ZFP90: variants seen among roughly 807,000 people sequenced by gnomAD.
ZFP90 encodes zinc finger protein 90 homolog.
In ZFP90, 38 loss-of-function variants were observed where a neutral mutation model predicts 60.8. The ratio of observed to expected loss-of-function variants is 0.62; its 90% CI spans 0.48 to 0.82. The LOEUF (loss-of-function observed/expected upper bound fraction) is 0.82, where lower values mean the gene tolerates loss of function less well. Among genes scored for constraint, ZFP90 ranks in the 40% least tolerant of loss-of-function variants. ZFP90 has a pLI of 0.00. For missense variants in ZFP90, 711 were observed against 759.1 expected, an observed-to-expected ratio of 0.94 and a Z score of 0.74; for synonymous variants, 287 against 264.8, an observed-to-expected ratio of 1.08 and a Z score of -0.82.
chr16:68,563,076 C>T lies in ZFP90; in HGVS notation c.289C>T (p.His97Tyr), dbSNP rs1372201186. 11 of 1,613,992 alleles carry T rather than the reference C, an allele frequency of 6.8e-6. No homozygotes were observed. The highest frequency in any genetic ancestry group is 7.6e-6 in the Non-Finnish European group (9 of 1,180,028). Reference sequence around the variant, plus strand: ...GACCAGGCCTGAAGTCAAATCATCACATTTGCAGCAGGATGTATCAGAAGT... The same window carrying T: ...GACCAGGCCTGAAGTCAAATCATCATATTTGCAGCAGGATGTATCAGAAGT... ...WKTRPEVKSS[H>Y]LQQDVSEVSH... Residue 97 changes from histidine (H) to tyrosine (Y), a missense_variant, in exon 5 of 5, where the codon CAT (histidine) becomes TAT (tyrosine). Around this residue, in one of 5 missense-constraint regions of ZFP90, gnomAD observed 241 missense variants for 247.6 expected, o/e 0.97. Coordinates refer to ENST00000563169, the MANE Select transcript of ZFP90 (RefSeq NM_001305203.2).
At position 68,564,693 on chromosome 16, in the gene ZFP90, C is replaced by G. The variant is rs953098875; in HGVS notation, c.1906C>G (p.Leu636Val). Residue 636 changes from leucine to valine, a missense_variant, in exon 5 of 5, where the codon CTC becomes GTC. Physicochemically the swap from Leu to Val is conservative, Grantham distance 32. This residue lies in a region of ZFP90 where 295 missense variants were observed against 274.0 expected (regional missense o/e 1.08). Coordinates refer to ENST00000563169, the MANE Select transcript of ZFP90 (RefSeq NM_001305203.2). ...KHQRIHTRNKL is the reference protein window; with the variant it reads ...KHQRIHTRNKV ...CCAGAGAATTCATACTCGAAATAAA[C>G]TCTAGGAACCGTGAAATTAAGGAAT... 6.3e-7 allele frequency: 1 copy of G among 1,589,714 alleles called. No homozygotes were observed. The highest frequency in any genetic ancestry group is 1.4e-5 in the African/African-American group (1 of 73,434).
At position 68,539,575 on chromosome 16, in the gene ZFP90, G is replaced by C. The variant is rs529492322; in HGVS notation, c.-36+96G>C. The C allele has an allele frequency of 1.1e-4, 62 of 546,370 alleles. 1 individual carries two copies. In the South Asian group the frequency reaches 1.5e-3, roughly 14 times the overall value. The allele number at this position is 546,370 out of a possible 1,614,324, so 33.8% of individuals were successfully genotyped here. A position where few individuals can be genotyped will look rare whatever the true frequency, so the allele number is the denominator to read the frequency against. On this transcript the variant is annotated intron_variant, in intron 1 of 4. Coordinates refer to ENST00000563169, the MANE Select transcript of ZFP90 (RefSeq NM_001305203.2). ...AAGGGGACTGGGCGTGGCCGGAGGG[G>C]GGTGTCCGGGAGGCCGCTGAGCCTT...
At chr16:68,537,972 G>A (rs1303724974), upstream of ZFP90, among the ~76,000 whole-genome samples, 1 of 152,056 alleles carries the variant, frequency 6.6e-6, no homozygotes, top group Non-Finnish European at 1.5e-5. Context: ...GAGTGCAATG[G>A]TGCAATCTCG....
chr16:68,539,466 G>A lies in ZFP90; in HGVS notation c.-49G>A. 1 of 400,672 alleles carries A rather than the reference G, an allele frequency of 2.5e-6. No individual in the cohort carries two copies. The highest frequency in any genetic ancestry group is 4.4e-6 in the Non-Finnish European group (1 of 225,066). 24.8% of individuals were successfully genotyped at this position (400,672 alleles called of 1,614,324 possible). ...GTCGCGAAATCCGGAGCCCCCCAGAGGCGGTGATTCTGAGTGCGCGGGTCT... is the reference window on the plus strand; with the variant it reads ...GTCGCGAAATCCGGAGCCCCCCAGAAGCGGTGATTCTGAGTGCGCGGGTCT... On this transcript the variant is annotated 5_prime_UTR_variant, in exon 1 of 5. Coordinates refer to ENST00000563169, the MANE Select transcript of ZFP90 (RefSeq NM_001305203.2).
intron 2 of ZFP90, 73 bp downstream of exon 2, chr16:68,539,898 C>T (rs929488321): frequency 1.9e-6 from 3 of 1,548,012 alleles, no homozygotes; most frequent in Non-Finnish European, 2.6e-6. Context: ...GTGTTTGGAG[C>T]AGTCATTGTT....
Position 68,564,580 on chromosome 16 carries a change from A to G in ZFP90, c.1793A>G (p.Asp598Gly). 1 of 1,614,134 alleles carries G rather than the reference A, an allele frequency of 6.2e-7. No individual in the cohort carries two copies. The highest frequency in any genetic ancestry group is 8.5e-7 in the Non-Finnish European group (1 of 1,179,988). ...TTCCGAAAAAAAACCAACCTGCATG[A>G]TCATCAGAGAATTCATACTGGAGAA... ...RAFRKKTNLH[D>G]HQRIHTGEKP... Residue 598 changes from aspartate (D) to glycine (G), a missense_variant, in exon 5 of 5, where the codon GAT becomes GGT. Physicochemically the swap from Asp to Gly is moderately conservative, Grantham distance 94 (BLOSUM62 -1). Coordinates refer to ENST00000563169, the MANE Select transcript of ZFP90 (RefSeq NM_001305203.2).
rs2091526620 is a variant in ZFP90 at position 68,566,346 on chromosome 16, T to C, written c.*1648T>C. ...GAGCTGCCTCCCAAAGATAGATAAATTTTCCCAGCCCTAAATATGAATCAT... is the reference window on the plus strand; with the variant it reads ...GAGCTGCCTCCCAAAGATAGATAAACTTTCCCAGCCCTAAATATGAATCAT... On this transcript the variant is annotated 3_prime_UTR_variant, in exon 5 of 5. Coordinates refer to ENST00000563169, the MANE Select transcript of ZFP90 (RefSeq NM_001305203.2). 2.0e-6 allele frequency: 2 copies of C among 985,380 alleles called. No individual in the cohort carries two copies. Among genetic ancestry groups the C allele is most frequent in the Non-Finnish European group, 1.2e-6 (1 of 829,932 alleles). The allele number at this position is 985,380 out of a possible 1,614,324, so 61.0% of individuals were successfully genotyped here.
Position 68,547,207 on chromosome 16 carries a change from C to CT in ZFP90, c.33+7387dup, listed in dbSNP as rs1475552638. Among the ~76,000 whole-genome samples, 11 of 152,310 alleles carry CT rather than the reference C, an allele frequency of 7.2e-5. No homozygotes were observed. The South Asian group carries it at 2.1e-3, about 29-fold the overall frequency. The stretch of plus-strand genomic sequence containing the variant: ...CATACTGTTTCCATAGCAGCTGTAT[C>CT]TTTTTACATTCTTAACAGTGCACAA... On this transcript the variant is annotated intron_variant, in intron 2 of 4. Coordinates refer to ENST00000563169, the MANE Select transcript of ZFP90 (RefSeq NM_001305203.2).
At chr16:68,551,754 GT>G (rs2091265070) in intron 2 of ZFP90, among the ~76,000 whole-genome samples, 1 of 150,188 alleles carries the variant, frequency 6.7e-6, no homozygotes, top group African/African-American at 2.5e-5. Flanking sequence ...TTGCTTTTTG[GT>G]TTTTGTTTTT....
chr16:68,557,903 TCAC>T, intron 2 of ZFP90, 92 bp from the exon 3 acceptor site: 1 of 1,527,980 alleles, frequency 6.5e-7, no homozygotes, highest in Non-Finnish European at 9.0e-7. Context: ...AAATGTGTGA[TCAC>T]CACTTCTGAT....
In ZFP90 at chr16:68,566,513, A is replaced by G; in HGVS notation, c.*1815A>G. 7 of 985,538 alleles carry G rather than the reference A, an allele frequency of 7.1e-6. No individual in the cohort carries two copies. The highest frequency in any genetic ancestry group is 8.4e-6 in the Non-Finnish European group (7 of 829,930). The allele number at this position is 985,538 out of a possible 1,614,324, so 61.0% of individuals were successfully genotyped here. The stretch of plus-strand genomic sequence containing the variant: ...ATTCTTCATTCTTTGCAGGGAAAAA[A>G]TTGTGCATGGGGGCTGAAATGTAAT... On this transcript the variant is annotated 3_prime_UTR_variant, in exon 5 of 5. Coordinates refer to ENST00000563169, the MANE Select transcript of ZFP90 (RefSeq NM_001305203.2).
Position 68,565,174 on chromosome 16 carries a change from G to A in ZFP90, c.*476G>A, listed in dbSNP as rs2091506132. Reference sequence around the variant, plus strand: ...ACCATTCAAAGAATTAGATCAACTAGCCCAACCACTTCATTGTACAGATGA... The same window carrying A: ...ACCATTCAAAGAATTAGATCAACTAACCCAACCACTTCATTGTACAGATGA... On this transcript the variant is annotated 3_prime_UTR_variant, in exon 5 of 5. Transcript: ENST00000563169. 1.0e-6 allele frequency: 1 copy of A among 991,222 alleles called. No homozygotes were observed. Among genetic ancestry groups the A allele is most frequent in the Admixed American group, 5.8e-5 (1 of 17,250 alleles). 61.4% of individuals were successfully genotyped at this position (991,222 alleles called of 1,614,324 possible).
intron 2 of ZFP90, among the ~76,000 whole-genome samples, 185 bp downstream of exon 2, chr16:68,540,010 C>T (rs756638618): frequency 1.3e-5 from 2 of 152,188 alleles, no homozygotes. Context: ...GGAGGCTGCT[C>T]TGTGGGGTAG....
At chr16:68,559,266 A>G (rs1299962339) in intron 4 of ZFP90, among the ~76,000 whole-genome samples, 1 of 152,004 alleles carries the variant, frequency 6.6e-6, no homozygotes, top group African/African-American at 2.4e-5. Context: ...AGTCTTCCTT[A>G]TTTGTACCAT....
upstream of ZFP90, among the ~76,000 whole-genome samples, chr16:68,536,528 G>C (rs1186457142): frequency 1.3e-5 from 2 of 151,974 alleles, no homozygotes; most frequent in South Asian, 4.2e-4. Context: ...GGTCTGGAAC[G>C]CCTAGGCTCA....
Position 68,564,144 on chromosome 16 carries a change from A to G in ZFP90, c.1357A>G (p.Asn453Asp). Residue 453 changes from asparagine to aspartate, a missense_variant, in exon 5 of 5, where the codon AAT becomes GAT. Coordinates refer to ENST00000563169, the MANE Select transcript of ZFP90 (RefSeq NM_001305203.2). ...TACCGAAGTGAAATCCTACCATTGT[A>G]ATGACTGTGGGGAAGACTTTAGTCA... ...TLTEVKSYHC[N>D]DCGEDFSHIT... 6.2e-7 allele frequency: 1 copy of G among 1,614,176 alleles called. No homozygotes were observed. Among genetic ancestry groups the G allele is most frequent in the Non-Finnish European group, 8.5e-7 (1 of 1,180,020 alleles).
intron 3 of ZFP90, 158 bp downstream of exon 3, chr16:68,558,282 C>G: frequency 7.9e-7 from 1 of 1,264,286 alleles, no homozygotes; most frequent in Non-Finnish European, 1.1e-6. Context: ...GGTTTTGAGC[C>G]TGCTCTTTAG....
At chr16:68,547,543 T>A (rs1379824074) in intron 2 of ZFP90, among the ~76,000 whole-genome samples, 1 of 152,140 alleles carries the variant, frequency 6.6e-6, no homozygotes, top group Non-Finnish European at 1.5e-5. Flanking sequence ...AGGACCTCTG[T>A]ATTTGTTTTG....
At chr16:68,540,647 GGTGTGTGAGA>G (rs2091025982) in intron 2 of ZFP90, among the ~76,000 whole-genome samples, 2 of 151,878 alleles carry the variant, frequency 1.3e-5, no homozygotes, top group African/African-American at 4.8e-5. Context: ...GTAGTTGCTA[GGTGTGTGAGA>G]CATCAAGATC....
Sources: allele counts gnomAD v4.1 joint callset (sites outside exome capture counted in the v4.1 genomes callset), GRCh38; gene constraint gnomAD v4.1.1; regional missense constraint gnomAD v4.1.1; transcripts MANE v1.5; gene names NCBI Gene and HGNC (gene_info 2026-07-23, HGNC 2026-07-21).